Variants in SV2C observed in about 807,000 individuals in gnomAD.
The protein encoded by SV2C is synaptic vesicle glycoprotein 2C, also known as solute carrier family 22 member B3.
A neutral mutation model predicts 79.7 loss-of-function variants in SV2C; 49 were observed. That is an observed-to-expected ratio of 0.61 (90% CI 0.49 to 0.78). The LOEUF is 0.78. SV2C is among the 30% of genes least tolerant of loss of function. The pLI is 0.00. For synonymous variants in SV2C, 334 were observed against 333.2 expected (o/e 1.00, Z -0.03); for missense variants, 833 against 912.9 (o/e 0.91, Z 1.13).
intron 4 of SV2C, among the ~76,000 whole-genome samples, chr5:76,237,878 A>C (rs1024709824): frequency 6.6e-6 from 1 of 152,064 alleles, no homozygotes; most frequent in African/African-American, 2.4e-5. Flanking sequence ...CATGATCATA[A>C]TATTCAAATG....
chr5:75,851,306 T>G, the SV2C span, among the ~76,000 whole-genome samples: 1 of 152,232 alleles, frequency 6.6e-6, no homozygotes, highest in Admixed American at 6.5e-5. Context: ...AGTTCTGCTA[T>G]GTGCATAGCT....
chr5:75,995,253 G>A, the SV2C span, among the ~76,000 whole-genome samples: 1 of 152,040 alleles, frequency 6.6e-6, no homozygotes, highest in African/African-American at 2.4e-5. Flanking sequence ...CCTTAGCCCA[G>A]TCAAGTTAAT....
At chr5:76,198,454 T>C (rs1336525379) in intron 3 of SV2C, among the ~76,000 whole-genome samples, 1 of 152,100 alleles carries the variant, frequency 6.6e-6, no homozygotes, top group Admixed American at 6.5e-5. Flanking sequence ...CTCTCCTGAG[T>C]GGAAGCATCC....
the SV2C span, among the ~76,000 whole-genome samples, chr5:76,011,296 C>T: frequency 6.6e-6 from 1 of 152,098 alleles, no homozygotes; most frequent in Non-Finnish European, 1.5e-5. Flanking sequence ...AAGGGCCAGA[C>T]ATCAGGCTAA....
the SV2C span, among the ~76,000 whole-genome samples, chr5:75,922,703 T>C: frequency 6.6e-6 from 1 of 152,254 alleles, no homozygotes; most frequent in Non-Finnish European, 1.5e-5. Context: ...ATGCCATTTA[T>C]AGACCTAAGT....
intron 2 of SV2C, among the ~76,000 whole-genome samples, chr5:76,178,447 G>C (rs1004623667): frequency 6.6e-6 from 1 of 151,926 alleles, no homozygotes; most frequent in African/African-American, 2.4e-5. Flanking sequence ...TATAGCAGTG[G>C]CTCCCAGTCT....
chr5:76,298,955 A>G, intron 10 of SV2C, 28 bp downstream of exon 10: 1 of 1,608,048 alleles, frequency 6.2e-7, no homozygotes, highest in Non-Finnish European at 8.5e-7. Context: ...TACTGCCTCT[A>G]CCTGAGGCCT....
At chr5:76,035,796 A>G in the SV2C span, among the ~76,000 whole-genome samples, 20 of 151,912 alleles carry the variant, frequency 1.3e-4, no homozygotes, top group African/African-American at 4.6e-4. Context: ...ATTCCTGGGT[A>G]TCCTTGTTGA....
the SV2C span, among the ~76,000 whole-genome samples, chr5:75,990,499 T>G: frequency 1.3e-5 from 2 of 152,020 alleles, no homozygotes; most frequent in Admixed American, 1.3e-4. Flanking sequence ...CAGAGTTCTG[T>G]TCCAACTAAG....
the SV2C span, among the ~76,000 whole-genome samples, chr5:75,930,921 C>T: frequency 6.6e-6 from 1 of 152,022 alleles, no homozygotes; most frequent in East Asian, 1.9e-4. Context: ...ATTGCTTGAG[C>T]CCAGGAGTTC....
chr5:76,190,992 C>T (rs1333249117), intron 2 of SV2C, among the ~76,000 whole-genome samples: 1 of 152,200 alleles, frequency 6.6e-6, no homozygotes, highest in African/African-American at 2.4e-5. Context: ...TAAGTCAATT[C>T]TCACACTGCT....
chr5:76,174,833 C>G (rs1743472452), intron 2 of SV2C, among the ~76,000 whole-genome samples: 1 of 152,248 alleles, frequency 6.6e-6, no homozygotes, highest in Admixed American at 6.5e-5. Flanking sequence ...TCCTGTTCAT[C>G]TAGCCCAACG....
chr5:76,047,537 C>T, the SV2C span, among the ~76,000 whole-genome samples: 2 of 151,988 alleles, frequency 1.3e-5, no homozygotes, highest in African/African-American at 4.8e-5. Context: ...TGTGGTTAAA[C>T]CATTTAGCTG....
chr5:75,970,127 A>G, the SV2C span, among the ~76,000 whole-genome samples: 1 of 152,160 alleles, frequency 6.6e-6, no homozygotes, highest in African/African-American at 2.4e-5. Flanking sequence ...GAAACCAACG[A>G]GAACAAAGAT....
chr5:76,042,759 T>C, the SV2C span, among the ~76,000 whole-genome samples: 1 of 152,172 alleles, frequency 6.6e-6, no homozygotes, highest in African/African-American at 2.4e-5. Context: ...CAGGTTTCAG[T>C]CTATCTCAAG....
At chr5:75,946,668 G>A in the SV2C span, among the ~76,000 whole-genome samples, 2 of 152,072 alleles carry the variant, frequency 1.3e-5, no homozygotes, top group African/African-American at 4.8e-5. Context: ...AAACAAGGTA[G>A]ACTCGAAGGC....
chr5:75,980,096 C>T, the SV2C span, among the ~76,000 whole-genome samples: 1 of 152,150 alleles, frequency 6.6e-6, no homozygotes, highest in Admixed American at 6.6e-5. Context: ...CATATCTATG[C>T]ACATAAACGA....
chr5:75,959,582 A>G, the SV2C span, among the ~76,000 whole-genome samples: 1 of 152,018 alleles, frequency 6.6e-6, no homozygotes, highest in Admixed American at 6.6e-5. Context: ...GTGCACACAT[A>G]TATGCAAACA....
rs201590366 is a variant in SV2C at position 76,164,999 on chromosome 5, GAAA to G, written c.581-29914_581-29912del. ...TATACTGTTTGGGGAATCATGACAA[GAAA>G]AAAAAGTCTGTACATATTCAGTACA... On this transcript the variant is annotated intron_variant, in intron 2 of 12. Coordinates refer to ENST00000502798, the MANE Select transcript of SV2C (RefSeq NM_014979.4). Among the ~76,000 whole-genome samples the G allele has an allele frequency of 2.2e-3, 311 of 140,888 alleles. 14 individuals are homozygous for G. The East Asian group carries it at 0.067, about 31-fold the overall frequency. 92.4% of individuals were successfully genotyped at this position (140,888 alleles called of 152,430 possible).
Sources: gnomAD v4.1 joint callset for allele counts (sites outside exome capture counted in the v4.1 genomes callset) on GRCh38, gnomAD v4.1.1 for gene constraint, MANE v1.5 for transcripts, NCBI Gene and HGNC (gene_info 2026-07-23, HGNC 2026-07-21) for gene names.